Variants in IL1RAPL1 observed in about 807,000 individuals in gnomAD.
The protein encoded by IL1RAPL1 is interleukin 1 receptor accessory protein like 1, also known as interleukin-1 receptor accessory protein-like 1.
In IL1RAPL1, 3 loss-of-function variants were observed where a neutral mutation model predicts 48.4. The observed-to-expected ratio is 0.06, with a 90% confidence interval of 0.03 to 0.16. The LOEUF (loss-of-function observed/expected upper bound fraction) is 0.16. Among genes scored for constraint, IL1RAPL1 ranks in the 10% least tolerant of loss-of-function variants. The pLI is 1.00. For synonymous variants in IL1RAPL1, 185 were observed against 187.7 expected (o/e 0.99, Z 0.12); for missense variants, 349 against 530.6 (o/e 0.66, Z 3.36).
intron 2 of IL1RAPL1, among the ~76,000 whole-genome samples, chrX:28,876,325 G>A (rs1272322646): frequency 8.9e-6 from 1 of 111,935 alleles, no homozygotes; most frequent in Non-Finnish European, 1.9e-5. Flanking sequence ...CAGAAGTGAT[G>A]TACAGCATTT....
At chrX:29,855,302 G>GTGTA (rs1369955204) in intron 6 of IL1RAPL1, among the ~76,000 whole-genome samples, 5 of 112,290 alleles carry the variant, frequency 4.5e-5, no homozygotes, top group African/African-American at 1.6e-4. Context: ...AAACATGTTT[G>GTGTA]TGTATGTGCA....
intron 1 of IL1RAPL1, among the ~76,000 whole-genome samples, chrX:28,733,881 A>G (rs184706870): frequency 8.9e-6 from 1 of 112,007 alleles, no homozygotes; most frequent in African/African-American, 3.2e-5. Context: ...ATAGACACTT[A>G]AAATTTAATA....
chrX:29,319,837 G>T lies in IL1RAPL1; in HGVS notation c.362+36620G>T, dbSNP rs758720712. Among the ~76,000 whole-genome samples, 13 of 111,032 alleles carry T rather than the reference G, an allele frequency of 1.2e-4. No individual in the cohort carries two copies. In the South Asian group the frequency reaches 4.9e-3, roughly 42 times the overall value. ...ATTCCTTTCATTACTAATTTCTGTG[G>T]TTCTCATGAAGTTTATGACATTTTA... On this transcript the variant is annotated intron_variant, in intron 3 of 10. Transcript: ENST00000378993.
intron 1 of IL1RAPL1, among the ~76,000 whole-genome samples, chrX:28,735,432 A>C (rs1331830828): frequency 3.6e-5 from 4 of 110,828 alleles, no homozygotes; most frequent in Admixed American, 1.9e-4. Flanking sequence ...CAATCTATAG[A>C]ATATTTTTCA....
At chrX:28,614,856 C>T (rs1012057185) in intron 1 of IL1RAPL1, among the ~76,000 whole-genome samples, 16 of 111,255 alleles carry the variant, frequency 1.4e-4, no homozygotes, top group African/African-American at 4.9e-4. Context: ...GCTTTATGAC[C>T]TTTGGTGACT....
intron 2 of IL1RAPL1, among the ~76,000 whole-genome samples, chrX:29,069,047 C>T (rs770581699): frequency 8.9e-6 from 1 of 112,127 alleles, no homozygotes; most frequent in Non-Finnish European, 1.9e-5. Flanking sequence ...TACAGTTAGT[C>T]TTGTTTTATG....
At chrX:28,837,414 A>G (rs756811544) in intron 2 of IL1RAPL1, among the ~76,000 whole-genome samples, 1 of 111,436 alleles carries the variant, frequency 9.0e-6, no homozygotes, top group South Asian at 3.7e-4. Context: ...AATTCTGTAA[A>G]AAGATGTTCA....
intron 1 of IL1RAPL1, among the ~76,000 whole-genome samples, chrX:28,689,530 A>C (rs1935152692): frequency 8.9e-6 from 1 of 111,838 alleles, no homozygotes; most frequent in African/African-American, 3.3e-5. Context: ...TAGCAGTGTG[A>C]GAACAGACTA....
chrX:29,545,258 C>A (rs1473142217), intron 5 of IL1RAPL1, among the ~76,000 whole-genome samples: 1 of 109,822 alleles, frequency 9.1e-6, no homozygotes, highest in East Asian at 2.8e-4. Context: ...AACAAATGTT[C>A]GTAAAATAGA....
chrX:29,489,886 A>G (rs750083360), intron 5 of IL1RAPL1, among the ~76,000 whole-genome samples: 1 of 112,089 alleles, frequency 8.9e-6, no homozygotes, highest in East Asian at 2.8e-4. Flanking sequence ...TACAGCTAGC[A>G]GAATGGCATT....
At chrX:29,194,636 C>T (rs1417210600) in intron 2 of IL1RAPL1, among the ~76,000 whole-genome samples, 1 of 111,813 alleles carries the variant, frequency 8.9e-6, no homozygotes, top group Non-Finnish European at 1.9e-5. Context: ...GAGATTTGGT[C>T]TATAAAAAGT....
chrX:28,852,706 T>C lies in IL1RAPL1; in HGVS notation c.82+63281T>C, dbSNP rs181432847. On this transcript the variant is annotated intron_variant, in intron 2 of 10. Coordinates refer to ENST00000378993, the MANE Select transcript of IL1RAPL1 (RefSeq NM_014271.4). ...GGTCTCTAATAAGATATTGAAAGAA[T>C]GAAAGGCATTTTCTTATTGGACTTG... 1.1e-3 allele frequency among the ~76,000 whole-genome samples: 118 copies of C among 111,490 alleles called. 1 individual carries two copies. The East Asian group carries it at 0.027, about 25-fold the overall frequency.
chrX:28,971,876 T>TGTGTGTG (rs1555948230), intron 2 of IL1RAPL1, among the ~76,000 whole-genome samples: 1 of 84,488 alleles, frequency 1.2e-5, no homozygotes, highest in Admixed American at 1.4e-4. Flanking sequence ...ACTCTGAAAA[T>TGTGTGTG]TGTGTGTGTG....
chrX:28,956,717 A>T, intron 2 of IL1RAPL1, among the ~76,000 whole-genome samples: 1 of 108,967 alleles, frequency 9.2e-6, no homozygotes, highest in African/African-American at 3.3e-5. Flanking sequence ...ATTGGTCTAA[A>T]GTTCTCTTTT....
At position 28,829,055 on chromosome X, in the gene IL1RAPL1, C is replaced by T. The variant is rs1920991303; in HGVS notation, c.82+39630C>T. ...TGCAGTTTTCAGTATACAACTTTTG[C>T]ACTTCTTTTTTAAAATTTATCCATA... On this transcript the variant is annotated intron_variant, in intron 2 of 10. Transcript: ENST00000378993. 3.6e-5 allele frequency among the ~76,000 whole-genome samples: 4 copies of T among 111,712 alleles called. No individual in the cohort carries two copies. In the Admixed American group the frequency reaches 3.8e-4, roughly 11 times the overall value.
At chrX:29,777,366 C>G (rs914454427) in intron 6 of IL1RAPL1, among the ~76,000 whole-genome samples, 8 of 112,126 alleles carry the variant, frequency 7.1e-5, no homozygotes, top group Admixed American at 1.9e-4. Context: ...TTATGTTCAT[C>G]TCAATGGGAG....
At chrX:29,759,593 T>C (rs1377645920) in intron 6 of IL1RAPL1, among the ~76,000 whole-genome samples, 1 of 112,031 alleles carries the variant, frequency 8.9e-6, no homozygotes, top group Non-Finnish European at 1.9e-5. Flanking sequence ...GCAGAAATAA[T>C]ATTTTATTAA....
At chrX:29,671,257 A>G (rs1461862267) in intron 6 of IL1RAPL1, among the ~76,000 whole-genome samples, 1 of 110,845 alleles carries the variant, frequency 9.0e-6, no homozygotes, top group African/African-American at 3.3e-5. Flanking sequence ...TACCTTTCCC[A>G]TTTTCTATAT....
intron 1 of IL1RAPL1, among the ~76,000 whole-genome samples, chrX:28,761,079 T>C (rs1266698786): frequency 2.5e-5 from 2 of 78,597 alleles, no homozygotes; most frequent in African/African-American, 1.0e-4. Flanking sequence ...AGAGCGAGAC[T>C]CCTTCTCAAA....
Sources: allele counts gnomAD v4.1 joint callset (sites outside exome capture counted in the v4.1 genomes callset), GRCh38; gene constraint gnomAD v4.1.1; transcripts MANE v1.5; gene names NCBI Gene and HGNC (gene_info 2026-07-23, HGNC 2026-07-21).